KDM7A: variants seen among roughly 807,000 people sequenced by gnomAD.
KDM7A encodes lysine demethylase 7A.
KDM7A carries 28 observed loss-of-function variants against 114.8 expected under a neutral mutation model. The ratio of observed to expected loss-of-function variants is 0.24; its 90% confidence interval spans 0.18 to 0.33. The LOEUF is 0.33. KDM7A is among the 10% of genes least tolerant of loss of function. The pLI, the probability that KDM7A is intolerant of heterozygous loss-of-function variation, is 1.00. For synonymous variants in KDM7A, 423 were observed against 397.8 expected, an observed-to-expected ratio of 1.06 and a Z score of -0.75; for missense variants, 942 against 1,142.5, an observed-to-expected ratio of 0.82 and a Z score of 2.53.
rs368792707 is a variant in KDM7A at position 140,090,473 on chromosome 7, A to G, written c.*621T>C. The stretch of plus-strand genomic sequence containing the variant: ...GAAGCTAATAGCTTATAAAAAACAC[A>G]TGAAATATATAAAATAAAATGATTT... On this transcript the variant is annotated 3_prime_UTR_variant, in exon 20 of 20. Coordinates refer to ENST00000397560, the MANE Select transcript of KDM7A (RefSeq NM_030647.2). The G allele has an allele frequency of 1.4e-4, 21 of 152,352 alleles. No individual in the cohort carries two copies. In the East Asian group the frequency reaches 2.3e-3, roughly 17 times the overall value. 9.4% of individuals were successfully genotyped at this position (152,352 alleles called of 1,614,324 possible).
intron 11 of KDM7A, among the ~76,000 whole-genome samples, chr7:140,103,630 AG>A (rs1178910799): frequency 6.6e-6 from 1 of 152,176 alleles, no homozygotes; most frequent in Non-Finnish European, 1.5e-5. Flanking sequence ...GTCCCTACAA[AG>A]GACATGAACT....
chr7:140,092,942 G>A (rs1299759515), intron 18 of KDM7A, among the ~76,000 whole-genome samples: 1 of 151,924 alleles, frequency 6.6e-6, no homozygotes, highest in Non-Finnish European at 1.5e-5. Context: ...TATGACCTTT[G>A]ACTCTGGAAT....
chr7:140,110,408 T>C (rs1231979825), intron 11 of KDM7A, among the ~76,000 whole-genome samples: 1 of 152,214 alleles, frequency 6.6e-6, no homozygotes, highest in African/African-American at 2.4e-5. Context: ...CCATTGATAT[T>C]AAAGCAAGCA....
At chr7:140,114,247 C>T (rs923206211) in intron 9 of KDM7A, among the ~76,000 whole-genome samples, 8 of 152,260 alleles carry the variant, frequency 5.3e-5, no homozygotes, top group Non-Finnish European at 8.8e-5. Context: ...GCCGCCATCT[C>T]GGCTCACTGC....
At position 140,176,815 on chromosome 7, in the gene KDM7A, C is replaced by A; in HGVS notation, c.123G>T (p.Val41=). Residue 41 remains valine, a synonymous_variant, in exon 1 of 20, where the codon GTG becomes GTT. Coordinates refer to ENST00000397560, the MANE Select transcript of KDM7A (RefSeq NM_030647.2). The surrounding 1 kb of genome is among the most constrained non-coding windows in gnomAD (Gnocchi z 4.4). ...GGTTCACGTCGTACGGCTGCCGGCA[C>A]ACACAGTACACGGGCGGGGGCGGCG... ...APPPPPPVYC[V]CRQPYDVNRF... is the part of the protein sequence containing the mutation. The A allele has an allele frequency of 7.1e-7, 1 of 1,407,432 alleles. No individual in the cohort carries two copies. Among genetic ancestry groups the A allele is most frequent in the South Asian group, 1.3e-5 (1 of 75,612 alleles). 87.2% of individuals were successfully genotyped at this position (1,407,432 alleles called of 1,614,324 possible).
intron 11 of KDM7A, 40 bp from the exon 12 acceptor site, chr7:140,102,200 G>GT (rs1818242156): frequency 7.4e-7 from 1 of 1,357,740 alleles, no homozygotes. Flanking sequence ...TAAGAAGGCT[G>GT]TTACACACAT....
At chr7:140,113,408 C>T (rs1442720496) in intron 10 of KDM7A, 83 bp downstream of exon 10, 9 of 728,524 alleles carry the variant, frequency 1.2e-5, no homozygotes, top group African/African-American at 1.1e-4. Flanking sequence ...GGCATTCACA[C>T]GTGCTGCCAA....
At chr7:140,156,899 A>C (rs903321381) in intron 1 of KDM7A, among the ~76,000 whole-genome samples, 3 of 152,212 alleles carry the variant, frequency 2.0e-5, no homozygotes, top group African/African-American at 7.2e-5. Flanking sequence ...CAAACCTCTA[A>C]TGCACACACC....
chr7:140,172,918 TA>T (rs1259022082), intron 1 of KDM7A, among the ~76,000 whole-genome samples: 1 of 152,228 alleles, frequency 6.6e-6, no homozygotes, highest in African/African-American at 2.4e-5. Context: ...CGTACTTTCA[TA>T]TTCTTTATAC....
chr7:140,163,748 TTAA>T (rs1194135190), intron 1 of KDM7A, among the ~76,000 whole-genome samples: 2 of 152,112 alleles, frequency 1.3e-5, no homozygotes, highest in Non-Finnish European at 2.9e-5. Flanking sequence ...TTCTCATCCT[TTAA>T]TAATGAGGAT....
chr7:140,130,994 C>T (rs1290495110), intron 3 of KDM7A, among the ~76,000 whole-genome samples: 4 of 151,314 alleles, frequency 2.6e-5, no homozygotes, highest in African/African-American at 9.7e-5. Flanking sequence ...GCTGGGACTA[C>T]AGGCGCCCGC....
chr7:140,127,105 C>T (rs893452912), intron 5 of KDM7A, among the ~76,000 whole-genome samples: 2 of 152,142 alleles, frequency 1.3e-5, no homozygotes, highest in Non-Finnish European at 2.9e-5. Flanking sequence ...GGATTACAGG[C>T]ATGTGCCACC....
intron 7 of KDM7A, among the ~76,000 whole-genome samples, chr7:140,123,050 G>A (rs1818640416): frequency 6.6e-6 from 1 of 152,116 alleles, no homozygotes; most frequent in Non-Finnish European, 1.5e-5. Context: ...TGAGCAAAGG[G>A]TTTGAATAGA....
rs143351753 is a variant in KDM7A at position 140,166,571 on chromosome 7, C to T, written c.194+10173G>A. 8.5e-5 allele frequency among the ~76,000 whole-genome samples: 13 copies of T among 152,154 alleles called. No homozygotes were observed. In the East Asian group the frequency reaches 2.3e-3, roughly 27 times the overall value. ...CAGGCTAGTCTCAAACTCCTGGACT[C>T]ACGCCATCCACCCACCTTGGCCTCC... On this transcript the variant is annotated intron_variant, in intron 1 of 19. Coordinates refer to ENST00000397560, the MANE Select transcript of KDM7A (RefSeq NM_030647.2).
chr7:140,126,317 T>C (rs1285304938), intron 6 of KDM7A, among the ~76,000 whole-genome samples: 2 of 151,976 alleles, frequency 1.3e-5, no homozygotes, highest in Non-Finnish European at 2.9e-5. Flanking sequence ...TTCACAGATA[T>C]TTAATTCAGG....
intron 1 of KDM7A, among the ~76,000 whole-genome samples, chr7:140,158,184 T>C (rs1343631429): frequency 6.6e-6 from 1 of 152,004 alleles, no homozygotes; most frequent in East Asian, 1.9e-4. Flanking sequence ...TTCAGAGAAG[T>C]TTTCCTTAAG....
chr7:140,102,124 G>T lies in KDM7A; in HGVS notation c.1465C>A (p.Pro489Thr), dbSNP rs1308578934. The T allele has an allele frequency of 6.2e-7, 1 of 1,613,932 alleles. No individual in the cohort carries two copies. The highest frequency in any genetic ancestry group is 1.7e-5 in the Admixed American group (1 of 60,016). Residue 489 changes from proline to threonine, a missense_variant, in exon 12 of 20, where the codon CCT (proline) becomes ACT (threonine). Coordinates refer to ENST00000397560, the MANE Select transcript of KDM7A (RefSeq NM_030647.2). ...NGKPVKSQGI[P>T]IVCPVSRSSN... ...GATCGTGAAACTGGACACACAATAG[G>T]AATTCCCTGAGATTTAACTGGTTTG...
chr7:140,102,649 C>T (rs147457785), intron 11 of KDM7A, among the ~76,000 whole-genome samples: 61 of 152,190 alleles, frequency 4.0e-4, no homozygotes, highest in Middle Eastern at 3.4e-3. Context: ...CTGGGATTAC[C>T]GGTGTTAAAT....
chr7:140,126,763 A>G lies in KDM7A; in HGVS notation c.762T>C (p.Tyr254=), dbSNP rs755713805. The G allele has an allele frequency of 5.6e-6, 9 of 1,614,076 alleles. No homozygotes were observed. Among genetic ancestry groups the G allele is most frequent in the Non-Finnish European group, 7.6e-6 (9 of 1,179,962 alleles). ...TGGGAAAGACTGAATCATCTGGCCA[A>G]TAATTTTCCACCCAGGAAAGTTTTT... ...IAKKLSWVEN[Y]WPDDSVFPKP... is the part of the protein sequence containing the mutation. Residue 254 remains tyrosine (Y), a synonymous_variant, in exon 6 of 20, where the codon TAT becomes TAC. Transcript: ENST00000397560.
Sources: allele counts gnomAD v4.1 joint callset (sites outside exome capture counted in the v4.1 genomes callset), GRCh38; gene constraint gnomAD v4.1.1; non-coding constraint Gnocchi (gnomAD v3.1); transcripts MANE v1.5; gene names NCBI Gene and HGNC (gene_info 2026-07-23, HGNC 2026-07-21).